The following ZNF804B variants were observed in gnomAD, a reference collection of about 807,000 sequenced individuals.
ZNF804B encodes zinc finger 804B.
A neutral mutation model predicts 101.4 loss-of-function variants in ZNF804B; 80 were observed. That is an observed-to-expected ratio of 0.79 (90% confidence interval 0.66 to 0.95). ZNF804B has a LOEUF of 0.95. ZNF804B is among the 40% of genes least tolerant of loss of function. The probability of loss-of-function intolerance (pLI) is 0.00; values close to 1 mark genes in which losing one functional copy is unlikely to be tolerated. For synonymous variants in ZNF804B, 622 were observed against 558.8 expected (o/e 1.11, Z -1.59); for missense variants, 1,673 against 1,561.9 (o/e 1.07, Z -1.20).
intron 1 of ZNF804B, among the ~76,000 whole-genome samples, chr7:88,839,766 C>T (rs1791268713): frequency 6.6e-6 from 1 of 151,322 alleles, no homozygotes. Flanking sequence ...GCAGGTTCTT[C>T]AACTCTTGTG....
intron 1 of ZNF804B, among the ~76,000 whole-genome samples, chr7:88,777,946 A>G (rs1790169679): frequency 6.6e-6 from 1 of 152,184 alleles, no homozygotes; most frequent in Admixed American, 6.5e-5. Context: ...TCTGTTATAC[A>G]GAAATCTAAA....
At chr7:89,109,452 C>T (rs1229291422) in intron 1 of ZNF804B, among the ~76,000 whole-genome samples, 1 of 152,128 alleles carries the variant, frequency 6.6e-6, no homozygotes, top group Non-Finnish European at 1.5e-5. Flanking sequence ...TGCAAGCTGT[C>T]AATTGTCCCA....
chr7:89,108,076 A>G (rs979737724), intron 1 of ZNF804B, among the ~76,000 whole-genome samples: 5 of 152,148 alleles, frequency 3.3e-5, no homozygotes, highest in Admixed American at 6.6e-5. Context: ...ATCATGAAAC[A>G]TCTGAACCGA....
chr7:89,064,875 A>G (rs1348172421), intron 1 of ZNF804B, among the ~76,000 whole-genome samples: 1 of 152,182 alleles, frequency 6.6e-6, no homozygotes, highest in African/African-American at 2.4e-5. Flanking sequence ...TGTTCTCTGC[A>G]TCACACTAGC....
intron 1 of ZNF804B, among the ~76,000 whole-genome samples, chr7:88,992,711 T>A (rs938886830): frequency 2.4e-4 from 36 of 152,120 alleles, no homozygotes; most frequent in African/African-American, 8.0e-4. Flanking sequence ...TTACATAAAG[T>A]AATATAATCA....
chr7:89,312,189 C>T (rs964258967), intron 2 of ZNF804B, among the ~76,000 whole-genome samples: 1 of 152,172 alleles, frequency 6.6e-6, no homozygotes, highest in Admixed American at 6.6e-5. Context: ...TCACGCACCA[C>T]ATTTTCAGCT....
At chr7:89,145,185 A>C (rs983933648) in intron 1 of ZNF804B, among the ~76,000 whole-genome samples, 19 of 152,034 alleles carry the variant, frequency 1.2e-4, no homozygotes, top group Non-Finnish European at 2.2e-4. Context: ...CTAAAATGAC[A>C]ATATAATTTT....
At chr7:89,107,160 A>G in intron 1 of ZNF804B, among the ~76,000 whole-genome samples, 1 of 152,116 alleles carries the variant, frequency 6.6e-6, no homozygotes, top group East Asian at 1.9e-4. Flanking sequence ...ACCACTTTTT[A>G]TTTATAATGT....
chr7:88,919,008 A>AT (rs906370196), intron 1 of ZNF804B, among the ~76,000 whole-genome samples: 5 of 151,440 alleles, frequency 3.3e-5, no homozygotes, highest in East Asian at 1.9e-4. Flanking sequence ...AAGTTACTTA[A>AT]TTTTTTTTTA....
intron 1 of ZNF804B, among the ~76,000 whole-genome samples, chr7:88,884,930 A>G (rs1430018917): frequency 6.6e-6 from 1 of 151,908 alleles, no homozygotes; most frequent in Admixed American, 6.6e-5. Context: ...CAAGGTGCAC[A>G]TATTTCCCTT....
At chr7:89,124,844 T>C (rs529985589) in intron 1 of ZNF804B, among the ~76,000 whole-genome samples, 8 of 152,148 alleles carry the variant, frequency 5.3e-5, no homozygotes, top group African/African-American at 1.9e-4. Flanking sequence ...AAGACCTTGA[T>C]GAAAATATTG....
intron 2 of ZNF804B, among the ~76,000 whole-genome samples, chr7:89,313,168 T>G (rs1194435795): frequency 1.3e-5 from 2 of 152,202 alleles, no homozygotes; most frequent in African/African-American, 4.8e-5. Context: ...ATAGTCTGTT[T>G]TCAAGTCACA....
intron 1 of ZNF804B, among the ~76,000 whole-genome samples, chr7:88,958,962 A>G (rs1016330524): frequency 2.6e-5 from 4 of 151,510 alleles, no homozygotes; most frequent in African/African-American, 9.7e-5. Flanking sequence ...TTGTTCCTGT[A>G]TAGACATGTA....
chr7:89,070,851 G>GAAAAAGAAAA lies in ZNF804B; in HGVS notation c.109-147299_109-147298insGAAAAAAAAA, dbSNP rs1464691655. On this transcript the variant is annotated intron_variant, in intron 1 of 3. Coordinates refer to ENST00000333190, the MANE Select transcript of ZNF804B (RefSeq NM_181646.5). ...TCAAGTCTTCATTTGTAGAGAAAGA[G>GAAAAAGAAAA]AAAAACTGTATACTCTCTTATAATG... 4.7e-3 allele frequency among the ~76,000 whole-genome samples: 714 copies of GAAAAAGAAAA among 152,134 alleles called. 7 individuals are homozygous for GAAAAAGAAAA. Among genetic ancestry groups the GAAAAAGAAAA allele is most frequent in the African/African-American group, 0.016 (680 of 41,502 alleles).
At chr7:88,852,537 G>T (rs1791463068) in intron 1 of ZNF804B, among the ~76,000 whole-genome samples, 1 of 151,958 alleles carries the variant, frequency 6.6e-6, no homozygotes, top group South Asian at 2.1e-4. Context: ...CTGACCCCAT[G>T]AGGAAAAGGA....
At chr7:89,140,329 A>G (rs1790696948) in intron 1 of ZNF804B, among the ~76,000 whole-genome samples, 2 of 152,072 alleles carry the variant, frequency 1.3e-5, no homozygotes, top group African/African-American at 2.4e-5. Flanking sequence ...ATTGGCTTCA[A>G]CTTATAGGTG....
chr7:89,160,565 A>G (rs1791043291), intron 1 of ZNF804B, among the ~76,000 whole-genome samples: 1 of 152,206 alleles, frequency 6.6e-6, no homozygotes. Flanking sequence ...AGGATCATAA[A>G]ATAGAGTACA....
At chr7:88,819,453 C>A (rs1213832826) in intron 1 of ZNF804B, among the ~76,000 whole-genome samples, 1 of 151,956 alleles carries the variant, frequency 6.6e-6, no homozygotes, top group Non-Finnish European at 1.5e-5. Context: ...TTTTCTATGT[C>A]TCCTTGATTT....
At chr7:89,180,227 T>C (rs1037012168) in intron 1 of ZNF804B, among the ~76,000 whole-genome samples, 6 of 152,128 alleles carry the variant, frequency 3.9e-5, no homozygotes, top group Non-Finnish European at 8.8e-5. Flanking sequence ...GGTTGTGTCT[T>C]TCTCTGCAGG....
Sources: allele counts gnomAD v4.1 joint callset (sites outside exome capture counted in the v4.1 genomes callset), GRCh38; gene constraint gnomAD v4.1.1; transcripts MANE v1.5; gene names NCBI Gene and HGNC (gene_info 2026-07-23, HGNC 2026-07-21).